Variants in BPIFA2 observed in about 807,000 individuals in gnomAD.
The protein encoded by BPIFA2 is BPI fold-containing family A member 2.
A neutral mutation model predicts 25.7 loss-of-function variants in BPIFA2; 20 were observed. The observed-to-expected ratio is 0.78, with a 90% CI of 0.55 to 1.13. The LOEUF is 1.13. Ranked by LOEUF, BPIFA2 falls within the 50% of genes most tolerant of loss-of-function variation. BPIFA2 has a pLI of 0.00. For missense variants in BPIFA2, 300 were observed against 298.1 expected (o/e 1.01, Z -0.05); for synonymous variants, 126 against 124.3 (o/e 1.01, Z -0.09).
In BPIFA2 at chr20:33,178,691, G is replaced by T. The variant is rs1423144691; in HGVS notation, c.645+463G>T. 3.3e-5 allele frequency among the ~76,000 whole-genome samples: 5 copies of T among 152,252 alleles called. No homozygotes were observed. The East Asian group carries it at 5.8e-4, about 18-fold the overall frequency. ...CATGTGCAGGATTACTAGGCCCAAA[G>T]TTGCAGAGATTCTAAATCAGTCATT... On this transcript the variant is annotated intron_variant, in intron 6 of 8. Coordinates refer to ENST00000354932, the MANE Select transcript of BPIFA2 (RefSeq NM_080574.4).
intron 2 of BPIFA2, 78 bp from the exon 3 acceptor site, chr20:33,172,854 C>A: frequency 6.9e-7 from 1 of 1,443,756 alleles, no homozygotes; most frequent in Non-Finnish European, 9.4e-7. Context: ...CATAGGCAAA[C>A]AGTCTTACCC....
chr20:33,177,785 T>C (rs889539292), intron 5 of BPIFA2, among the ~76,000 whole-genome samples: 4 of 152,180 alleles, frequency 2.6e-5, no homozygotes, highest in African/African-American at 9.7e-5. Context: ...CATCAGGGTA[T>C]GTTTGGACCC....
chr20:33,176,755 C>T (rs1984092342), intron 5 of BPIFA2, among the ~76,000 whole-genome samples: 1 of 152,124 alleles, frequency 6.6e-6, no homozygotes, highest in African/African-American at 2.4e-5. Flanking sequence ...TTGATCTGGC[C>T]CCACCCTTGT....
chr20:33,164,374 C>T (rs979594144), upstream of BPIFA2, among the ~76,000 whole-genome samples: 20 of 152,250 alleles, frequency 1.3e-4, no homozygotes, highest in South Asian at 2.1e-4. Flanking sequence ...GCCCACCCAC[C>T]TGGGGAAGAC....
At chr20:33,177,837 T>C (rs1175184591) in intron 5 of BPIFA2, among the ~76,000 whole-genome samples, 1 of 152,208 alleles carries the variant, frequency 6.6e-6, no homozygotes, top group Admixed American at 6.5e-5. Context: ...TGTACTTTAC[T>C]TATTCGGTAT....
rs763722912 is a variant in BPIFA2, at chr20:33,175,557, C to G, written c.561C>G (p.Asp187Glu). ...DPTSISLSLL[D>E]KHSQIINKFV... ...CCAGCATCTCACTTTCCTTGCTGGA[C>G]AAGTAAGTCCCATTCATCTTAGTAG... is the stretch of plus-strand genomic sequence containing the variant. The change falls in exon 5 of 9, where the codon GAC (aspartate) becomes GAG (glutamate). Residue 187 changes from aspartate (D) to glutamate (E), a missense_variant and splice_region_variant. By Grantham distance (45) the Asp-to-Glu change is conservative. Transcript: ENST00000354932. 5 of 1,613,660 alleles carry G rather than the reference C, an allele frequency of 3.1e-6. No individual in the cohort carries two copies. The highest frequency in any genetic ancestry group is 4.2e-6 in the Non-Finnish European group (5 of 1,179,838).
At chr20:33,180,235 A>AG (rs1194457426) in intron 7 of BPIFA2, among the ~76,000 whole-genome samples, 1 of 152,012 alleles carries the variant, frequency 6.6e-6, no homozygotes, top group Non-Finnish European at 1.5e-5. Flanking sequence ...AGAAAAAAAA[A>AG]AAGAAGAAGA....
At chr20:33,175,836 C>T (rs528785574) in intron 5 of BPIFA2, among the ~76,000 whole-genome samples, 21 of 152,192 alleles carry the variant, frequency 1.4e-4, no homozygotes, top group Middle Eastern at 3.4e-3. Flanking sequence ...ATATTTAGCA[C>T]GCAGCCTGGA....
intron 5 of BPIFA2, 30 bp downstream of exon 5, chr20:33,175,589 G>T (rs754179084): frequency 6.2e-7 from 1 of 1,608,008 alleles, no homozygotes; most frequent in Admixed American, 1.7e-5. Context: ...GTAGAGCTGG[G>T]CTCTCAGGGA....
intron 1 of BPIFA2, among the ~76,000 whole-genome samples, chr20:33,162,519 G>T (rs898819120): frequency 3.9e-5 from 6 of 152,172 alleles, no homozygotes; most frequent in Middle Eastern, 3.2e-3. Flanking sequence ...TAATCCTGCC[G>T]CTGGGCACAG....
intron 2 of BPIFA2, among the ~76,000 whole-genome samples, chr20:33,170,164 TGAATTATACG>T (rs1390398404): frequency 2.0e-5 from 3 of 152,196 alleles, no homozygotes; most frequent in Non-Finnish European, 4.4e-5. Context: ...AGTCACCTCG[TGAATTATACG>T]ATTAGACGTA....
At chr20:33,178,039 G>A in intron 5 of BPIFA2, 108 bp from the exon 6 acceptor site, 1 of 700,382 alleles carries the variant, frequency 1.4e-6, no homozygotes, top group South Asian at 1.9e-5. Flanking sequence ...CCATGTCCCT[G>A]GGGTTTATCT....
chr20:33,163,491 C>A (rs577470281), upstream of BPIFA2, among the ~76,000 whole-genome samples: 1 of 152,262 alleles, frequency 6.6e-6, no homozygotes, highest in African/African-American at 2.4e-5. Context: ...ATCGAAAGGA[C>A]CCACACAGCC....
chr20:33,164,197 A>G (rs979088574), upstream of BPIFA2, among the ~76,000 whole-genome samples: 1 of 152,238 alleles, frequency 6.6e-6, no homozygotes, highest in Non-Finnish European at 1.5e-5. Flanking sequence ...GCACTTGTAA[A>G]GTGAATGAAC....
At chr20:33,175,288 G>A (rs1984036017) in intron 4 of BPIFA2, 119 bp from the exon 5 acceptor site, 1 of 987,780 alleles carries the variant, frequency 1.0e-6, no homozygotes, top group Non-Finnish European at 1.5e-6. Flanking sequence ...GATATTACCT[G>A]GGCCATGTTG....
At chr20:33,165,772 G>T (rs991914651), upstream of BPIFA2, among the ~76,000 whole-genome samples, 3 of 152,162 alleles carry the variant, frequency 2.0e-5, no homozygotes, top group South Asian at 2.1e-4. Context: ...CATGGCTGGG[G>T]CCTTTGTCCC....
chr20:33,178,832 C>T (rs1984172874), intron 6 of BPIFA2, among the ~76,000 whole-genome samples: 1 of 152,208 alleles, frequency 6.6e-6, no homozygotes, highest in Non-Finnish European at 1.5e-5. Flanking sequence ...CAGCTTCAGC[C>T]TCAGCTGGGT....
intron 5 of BPIFA2, among the ~76,000 whole-genome samples, chr20:33,176,050 T>C (rs576763625): frequency 1.3e-5 from 2 of 151,798 alleles, no homozygotes; most frequent in East Asian, 3.9e-4. Flanking sequence ...TTATGTAATG[T>C]CCCTCAATAA....
intron 5 of BPIFA2, among the ~76,000 whole-genome samples, chr20:33,176,220 C>A (rs1388453167): frequency 6.6e-6 from 1 of 152,236 alleles, no homozygotes; most frequent in Non-Finnish European, 1.5e-5. Flanking sequence ...AAAACTTAAT[C>A]CTCTCCATTT....
Sources: allele counts gnomAD v4.1 joint callset (sites outside exome capture counted in the v4.1 genomes callset), GRCh38; gene constraint gnomAD v4.1.1; transcripts MANE v1.5; gene names NCBI Gene and HGNC (gene_info 2026-07-23, HGNC 2026-07-21).